Variants in GLIS3 observed in about 807,000 individuals in gnomAD.
GLIS3 encodes the protein zinc finger protein GLIS3.
GLIS3 carries 53 observed loss-of-function variants against 78.6 expected under a neutral mutation model. The ratio of observed to expected loss-of-function variants is 0.67; its 90% CI spans 0.54 to 0.85. The LOEUF is 0.85. GLIS3 is among the 40% of genes least tolerant of loss of function. The pLI is 0.00. For missense variants in GLIS3, 1,703 were observed against 1,231.1 expected (o/e 1.38, Z -5.74); for synonymous variants, 684 against 509.9 (o/e 1.34, Z -4.60).
At chr9:3,841,954 C>T (rs1818744648) in intron 9 of GLIS3, among the ~76,000 whole-genome samples, 2 of 152,104 alleles carry the variant, frequency 1.3e-5, no homozygotes, top group Non-Finnish European at 2.9e-5. Flanking sequence ...ATCTTTTGAC[C>T]AGGGCTACTT....
At chr9:3,955,068 C>T (rs1479243616) in intron 4 of GLIS3, among the ~76,000 whole-genome samples, 1 of 152,142 alleles carries the variant, frequency 6.6e-6, no homozygotes, top group East Asian at 1.9e-4. Flanking sequence ...GACAAGGGGA[C>T]AGGCTGGGGA....
At chr9:3,981,612 C>T (rs1289948465) in intron 4 of GLIS3, among the ~76,000 whole-genome samples, 1 of 152,138 alleles carries the variant, frequency 6.6e-6, no homozygotes, top group African/African-American at 2.4e-5. Context: ...CCATGCCAAA[C>T]ACAGCACCTG....
At chr9:4,161,294 A>G (rs898061415) in intron 2 of GLIS3, among the ~76,000 whole-genome samples, 6 of 152,048 alleles carry the variant, frequency 3.9e-5, no homozygotes, top group African/African-American at 1.2e-4. Context: ...ACAAATAAGA[A>G]TCTTAAAAAT....
At chr9:3,937,228 C>T in intron 4 of GLIS3, 39 bp from the exon 5 acceptor site, 1 of 1,611,390 alleles carries the variant, frequency 6.2e-7, no homozygotes. Context: ...TGAGAAGGAC[C>T]TTGAATGTTT....
the GLIS3 span, among the ~76,000 whole-genome samples, chr9:4,404,741 C>G: frequency 2.0e-5 from 3 of 151,860 alleles, no homozygotes; most frequent in Admixed American, 2.0e-4. Context: ...AAATTTATAG[C>G]TATAATGCCT....
chr9:4,262,933 C>CAAAA (rs34292499), intron 2 of GLIS3, among the ~76,000 whole-genome samples: 2 of 97,882 alleles, frequency 2.0e-5, no homozygotes, highest in African/African-American at 3.8e-5. Context: ...GTGTTTGCCT[C>CAAAA]AAAAAAAAAA....
the GLIS3 span, among the ~76,000 whole-genome samples, chr9:4,439,750 T>A: frequency 6.6e-6 from 1 of 152,092 alleles, no homozygotes; most frequent in Non-Finnish European, 1.5e-5. Context: ...AGTTTTTCAT[T>A]TTTCATATTT....
At position 4,317,647 on chromosome 9, in the gene GLIS3, C is replaced by CT. The variant is rs1317966255; in HGVS notation, n.265-7120dup. Among the ~76,000 whole-genome samples, 4 of 152,114 alleles carry CT rather than the reference C, an allele frequency of 2.6e-5. No homozygotes were observed. The East Asian group carries it at 7.7e-4, about 29-fold the overall frequency. On this transcript the variant is annotated intron_variant and non_coding_transcript_variant, in intron 2 of 4. Transcript: ENST00000471664. ...CATTAGTCATAGATTCTAAATGTAT[C>CT]TTTTTTAAAAATCAGCAGGTTGATC...
the GLIS3 span, among the ~76,000 whole-genome samples, chr9:4,490,072 G>A: frequency 2.0e-5 from 3 of 152,236 alleles, no homozygotes; most frequent in Non-Finnish European, 4.4e-5. Context: ...AAGGGCACCC[G>A]TTCTGCAGGT....
At chr9:3,916,952 A>G (rs1354162035) in intron 6 of GLIS3, among the ~76,000 whole-genome samples, 1 of 152,190 alleles carries the variant, frequency 6.6e-6, no homozygotes, top group African/African-American at 2.4e-5. Flanking sequence ...AAGATGTACA[A>G]TGCAAAATCA....
At chr9:3,962,947 G>C (rs111552890) in intron 4 of GLIS3, among the ~76,000 whole-genome samples, 16 of 56,726 alleles carry the variant, frequency 2.8e-4, no homozygotes, top group African/African-American at 1.3e-3. Context: ...TGTGATTTAA[G>C]GGGGGGGGGG....
At chr9:4,041,685 A>C (rs1240975811) in intron 4 of GLIS3, among the ~76,000 whole-genome samples, 1 of 152,176 alleles carries the variant, frequency 6.6e-6, no homozygotes, top group South Asian at 2.1e-4. Flanking sequence ...TCTGGAATCT[A>C]ACGTCACAAA....
the GLIS3 span, among the ~76,000 whole-genome samples, chr9:4,450,693 T>A: frequency 1.2e-4 from 18 of 152,302 alleles, no homozygotes; most frequent in East Asian, 3.5e-3. Flanking sequence ...GGGCCAATAT[T>A]CGACATTCTT....
chr9:3,991,577 T>A (rs1381794848), intron 4 of GLIS3, among the ~76,000 whole-genome samples: 1 of 152,164 alleles, frequency 6.6e-6, no homozygotes, highest in African/African-American at 2.4e-5. Flanking sequence ...ATGGAACTAT[T>A]GATACTTTCA....
At chr9:3,896,567 G>A (rs761685735) in intron 7 of GLIS3, among the ~76,000 whole-genome samples, 6 of 149,176 alleles carry the variant, frequency 4.0e-5, no homozygotes, top group Non-Finnish European at 7.4e-5. Context: ...TAGGGAGGCT[G>A]AGGCAGGAGA....
chr9:4,261,263 C>A (rs1191672547), intron 2 of GLIS3, among the ~76,000 whole-genome samples: 5 of 152,128 alleles, frequency 3.3e-5, no homozygotes, highest in African/African-American at 1.2e-4. Context: ...GCTCCCAATT[C>A]AATGTGAGCA....
chr9:4,305,271 G>A (rs1193943431), intron 4 of GLIS3: 2 of 152,200 alleles, frequency 1.3e-5, no homozygotes, highest in South Asian at 4.1e-4. Context: ...TGGTATGTTG[G>A]AAGAAGAGTG....
intron 2 of GLIS3, among the ~76,000 whole-genome samples, chr9:4,251,948 C>G (rs1336085118): frequency 6.6e-6 from 1 of 152,306 alleles, no homozygotes; most frequent in East Asian, 1.9e-4. Context: ...TCTCTTCTGG[C>G]TTGTAGGGTT....
At chr9:4,420,451 C>T in the GLIS3 span, among the ~76,000 whole-genome samples, 10 of 152,120 alleles carry the variant, frequency 6.6e-5, no homozygotes, top group African/African-American at 1.2e-4. Context: ...AACCATTACT[C>T]GTAAGGTGCT....
Sources: allele counts gnomAD v4.1 joint callset (sites outside exome capture counted in the v4.1 genomes callset), GRCh38; gene constraint gnomAD v4.1.1; transcripts MANE v1.5; gene names NCBI Gene and HGNC (gene_info 2026-07-23, HGNC 2026-07-21).